Variants in C17orf99 observed in about 807,000 individuals in gnomAD.
C17orf99 encodes chromosome 17 open reading frame 99.
C17orf99 carries 18 observed loss-of-function variants against 22.6 expected under a neutral mutation model. The ratio of observed to expected loss-of-function variants is 0.80; its 90% CI spans 0.55 to 1.18. The LOEUF is 1.18. Among genes scored for constraint, C17orf99 ranks in the 50% most tolerant of loss-of-function variants. The pLI is 0.00. For missense variants in C17orf99, 328 were observed against 342.7 expected (o/e 0.96, Z 0.34); for synonymous variants, 147 against 136.6 (o/e 1.08, Z -0.53).
chr17:78,145,696 C>T (rs1045531056), upstream of C17orf99, among the ~76,000 whole-genome samples: 3 of 152,150 alleles, frequency 2.0e-5, no homozygotes, highest in Non-Finnish European at 4.4e-5. Flanking sequence ...TCATGTAGGA[C>T]GGGCTCCTCC....
Position 78,166,153 on chromosome 17 carries a change from CACAAAA to C in C17orf99, c.*109_*114del. 1 of 136,300 alleles carries C rather than the reference CACAAAA, an allele frequency of 7.3e-6. No homozygotes were observed. 8.4% of individuals were successfully genotyped at this position (136,300 alleles called of 1,614,324 possible). On this transcript the variant is annotated 3_prime_UTR_variant, in exon 5 of 5. Coordinates refer to ENST00000340363, the MANE Select transcript of C17orf99 (RefSeq NM_001163075.2). ...ATGAGTGTGTTTTAGCTGCTCTTGC[CACAAAA>C]AAAAAAAAAAAAAAAAAAGGGTAAC...
chr17:78,151,017 G>A (rs979143934), intron 2 of C17orf99, among the ~76,000 whole-genome samples: 2 of 152,040 alleles, frequency 1.3e-5, no homozygotes, highest in Non-Finnish European at 2.9e-5. Flanking sequence ...CAGCTACTCA[G>A]GAGGCTGAGG....
Position 78,166,155 on chromosome 17 carries a change from C to CAAAAAA in C17orf99, c.*126_*131dup, listed in dbSNP as rs61377640. ...GAGTGTGTTTTAGCTGCTCTTGCCA[C>CAAAAAA]AAAAAAAAAAAAAAAAAAAAAAGGG... On this transcript the variant is annotated 3_prime_UTR_variant, in exon 5 of 5. Transcript: ENST00000340363. The CAAAAAA allele has an allele frequency of 5.5e-5, 8 of 145,746 alleles. No individual in the cohort carries two copies. Among genetic ancestry groups the CAAAAAA allele is most frequent in the Middle Eastern group, 2.5e-3 (1 of 408 alleles). 9.0% of individuals were successfully genotyped at this position (145,746 alleles called of 1,614,324 possible).
chr17:78,165,253 C>G, intron 4 of C17orf99: 1 of 987,856 alleles, frequency 1.0e-6, no homozygotes, highest in South Asian at 4.7e-5. Flanking sequence ...TTGGGAGACA[C>G]TGCCGTGTCC....
rs952963533 is a variant in C17orf99, at chr17:78,157,562, A to T, written c.71-3393A>T. 2.6e-5 allele frequency: 19 copies of T among 731,088 alleles called. No individual in the cohort carries two copies. The Admixed American group carries it at 2.9e-4, about 11-fold the overall frequency. The allele number at this position is 731,088 out of a possible 1,614,324, so 45.3% of individuals were successfully genotyped here. A position where few individuals can be genotyped will look rare whatever the true frequency, so the allele number is the denominator to read the frequency against. On this transcript the variant is annotated intron_variant, in intron 2 of 4. Transcript: ENST00000340363. ...GCCCGTAATCCCATCACTTTGGAAG[A>T]CCGAGGCAGGCGGATCACAAGGTCA...
At chr17:78,164,517 G>A in intron 4 of C17orf99, 153 bp downstream of exon 4, 8 of 1,537,222 alleles carry the variant, frequency 5.2e-6, no homozygotes, top group Non-Finnish European at 7.0e-6. Context: ...TGCCCACCCT[G>A]GCCCCTGCCT....
At chr17:78,155,072 A>G (rs1244396309) in intron 2 of C17orf99, among the ~76,000 whole-genome samples, 1 of 150,742 alleles carries the variant, frequency 6.6e-6, no homozygotes. Context: ...GCACTGTAGG[A>G]TGCTTTGCGA....
intron 2 of C17orf99, chr17:78,157,879 T>C: frequency 8.8e-7 from 1 of 1,133,726 alleles, no homozygotes; most frequent in Non-Finnish European, 1.3e-6. Context: ...AGATGTCTAC[T>C]TCGATGACTG....
intron 2 of C17orf99, among the ~76,000 whole-genome samples, chr17:78,155,731 A>T (rs1456959926): frequency 6.6e-6 from 1 of 151,892 alleles, no homozygotes; most frequent in Non-Finnish European, 1.5e-5. Context: ...GGTTCAAGTG[A>T]TTCTCTGGCC....
chr17:78,157,338 G>GGCA (rs1306878552), intron 2 of C17orf99: 94 of 704,440 alleles, frequency 1.3e-4, no homozygotes, highest in Admixed American at 7.7e-4. Flanking sequence ...CAGCGGCGGC[G>GGCA]GCGGCGGCGG....
upstream of C17orf99, among the ~76,000 whole-genome samples, chr17:78,146,008 G>A (rs1196128498): frequency 5.3e-5 from 8 of 152,030 alleles, no homozygotes; most frequent in African/African-American, 9.7e-5. This position sits in a 1 kb window ranked among gnomAD's most constrained non-coding sequence, Gnocchi z 5.2. Context: ...GGCTGGTCTC[G>A]AACTCCTGAC....
Position 78,146,998 on chromosome 17 carries a change from G to T in C17orf99, c.70+87G>T. On this transcript the variant is annotated intron_variant, in intron 2 of 4. Coordinates refer to ENST00000340363, the MANE Select transcript of C17orf99 (RefSeq NM_001163075.2). The surrounding 1 kb of genome is among the most constrained non-coding windows in gnomAD (Gnocchi z 5.2). ...CCATGGTGGAGGGCGCCTCGGCTGG[G>T]AAGGGAGTTACTAGTGGGGAGGTGT... The T allele has an allele frequency of 1.7e-6, 2 of 1,201,134 alleles. No individual in the cohort carries two copies. The highest frequency in any genetic ancestry group is 1.3e-5 in the South Asian group (1 of 76,822). The allele number at this position is 1,201,134 out of a possible 1,614,324, so 74.4% of individuals were successfully genotyped here. A position where few individuals can be genotyped will look rare whatever the true frequency, so the allele number is the denominator to read the frequency against.
intron 2 of C17orf99, among the ~76,000 whole-genome samples, chr17:78,152,856 T>C (rs1426919205): frequency 6.6e-6 from 1 of 151,682 alleles, no homozygotes; most frequent in African/African-American, 2.4e-5. Context: ...CTGAGGTGGG[T>C]GGATCACTTG....
At chr17:78,157,337 C>T (rs1028237026) in intron 2 of C17orf99, 10 of 689,848 alleles carry the variant, frequency 1.4e-5, no homozygotes, top group East Asian at 5.4e-5. Context: ...GCAGCGGCGG[C>T]GGCGGCGGCG....
chr17:78,161,044 C>T lies in C17orf99; in HGVS notation c.160C>T (p.Pro54Ser). 1 of 1,551,678 alleles carries T rather than the reference C, an allele frequency of 6.4e-7. No individual in the cohort carries two copies. The highest frequency in any genetic ancestry group is 8.7e-7 in the Non-Finnish European group (1 of 1,146,962). The change falls in exon 3 of 5, where the codon CCA becomes TCA. Residue 54 changes from proline (P) to serine (S), a missense_variant. Physicochemically the swap from Pro to Ser is moderately conservative, Grantham distance 74. Transcript: ENST00000340363. ...GCTCATAACCTGCTGTGCACCCCAG[C>T]CACCACCGCCCATCACCTATTCCCT... ...WVLITCCAPQ[P>S]PPPITYSLCG...
At chr17:78,157,231 C>T (rs1480127255) in intron 2 of C17orf99, among the ~76,000 whole-genome samples, 2 of 151,430 alleles carry the variant, frequency 1.3e-5, no homozygotes, top group East Asian at 1.9e-4. Context: ...TTTGGGAGGC[C>T]GAGGCGGGCG....
intron 2 of C17orf99, chr17:78,157,616 G>T: frequency 2.1e-6 from 1 of 486,092 alleles, no homozygotes; most frequent in African/African-American, 2.0e-5. Context: ...GGCTAAAATG[G>T]TGAAACCCCG....
At chr17:78,164,586 A>G (rs1213344206) in intron 4 of C17orf99, 2 of 1,527,892 alleles carry the variant, frequency 1.3e-6, no homozygotes, top group African/African-American at 2.7e-5. Flanking sequence ...CAGGGCACCC[A>G]CCATCGTGCT....
chr17:78,162,822 G>A (rs2075588393), intron 3 of C17orf99, among the ~76,000 whole-genome samples: 1 of 152,148 alleles, frequency 6.6e-6, no homozygotes, highest in Non-Finnish European at 1.5e-5. Flanking sequence ...GTCTTGCTCT[G>A]TCGCCCAGGC....
Sources: gnomAD v4.1 joint callset for allele counts (sites outside exome capture counted in the v4.1 genomes callset) on GRCh38, gnomAD v4.1.1 for gene constraint, Gnocchi (gnomAD v3.1) non-coding constraint, MANE v1.5 for transcripts, NCBI Gene and HGNC (gene_info 2026-07-23, HGNC 2026-07-21) for gene names.